Variants in SPOCK1 observed in about 807,000 individuals in gnomAD.
SPOCK1 encodes SPARC (osteonectin), cwcv and kazal like domains proteoglycan 1.
In SPOCK1, 23 loss-of-function variants were observed where a neutral mutation model predicts 55.3. The ratio of observed to expected loss-of-function variants is 0.42; its 90% CI spans 0.30 to 0.59. SPOCK1 has a LOEUF of 0.59. SPOCK1 is among the 20% of genes least tolerant of loss of function. The pLI is 0.22. For missense variants in SPOCK1, 499 were observed against 552.5 expected (o/e 0.90, Z 0.97); for synonymous variants, 226 against 221.0 (o/e 1.02, Z -0.20).
intron 3 of SPOCK1, among the ~76,000 whole-genome samples, chr5:137,144,773 A>G (rs558888924): frequency 6.6e-6 from 1 of 152,100 alleles, no homozygotes; most frequent in Non-Finnish European, 1.5e-5. Flanking sequence ...GGCATTTGAG[A>G]GGCCTTTTAA....
At chr5:137,377,045 A>G (rs945547802) in intron 2 of SPOCK1, among the ~76,000 whole-genome samples, 10 of 152,218 alleles carry the variant, frequency 6.6e-5, no homozygotes, top group Admixed American at 2.6e-4. Context: ...ACAAAAGAGT[A>G]AACATTATTA....
At chr5:137,325,858 A>T (rs984482016) in intron 2 of SPOCK1, among the ~76,000 whole-genome samples, 1 of 152,222 alleles carries the variant, frequency 6.6e-6, no homozygotes, top group African/African-American at 2.4e-5. Flanking sequence ...CAAGGGCTAA[A>T]ATAAAGAGAA....
chr5:137,271,850 C>T (rs1529818), intron 2 of SPOCK1, among the ~76,000 whole-genome samples: 3 of 152,042 alleles, frequency 2.0e-5, no homozygotes, highest in Non-Finnish European at 4.4e-5. Flanking sequence ...CTCATGAAAC[C>T]GATCGTTTCT....
chr5:137,363,878 G>T, intron 2 of SPOCK1, among the ~76,000 whole-genome samples: 1 of 152,250 alleles, frequency 6.6e-6, no homozygotes, highest in East Asian at 1.9e-4. Flanking sequence ...GGACAGGCTT[G>T]AGATGCACAA....
intron 3 of SPOCK1, among the ~76,000 whole-genome samples, chr5:137,200,242 G>A (rs967327759): frequency 2.6e-5 from 4 of 152,084 alleles, no homozygotes; most frequent in African/African-American, 4.8e-5. Context: ...TTGGGCCTCC[G>A]AACCTGCTGC....
At chr5:137,249,175 G>C (rs1470316410) in intron 3 of SPOCK1, among the ~76,000 whole-genome samples, 1 of 152,156 alleles carries the variant, frequency 6.6e-6, no homozygotes, top group Non-Finnish European at 1.5e-5. Context: ...CAAATAACTT[G>C]CTTGAGAGTT....
intron 6 of SPOCK1, among the ~76,000 whole-genome samples, chr5:137,054,458 G>C (rs760307810): frequency 1.3e-5 from 2 of 152,204 alleles, no homozygotes; most frequent in Non-Finnish European, 2.9e-5. Context: ...AGGGGGACAG[G>C]AGTCTTCCTG....
intron 3 of SPOCK1, among the ~76,000 whole-genome samples, chr5:137,266,070 C>G (rs1054019225): frequency 6.6e-6 from 1 of 152,060 alleles, no homozygotes; most frequent in African/African-American, 2.4e-5. Context: ...AACCAGAGTC[C>G]AGAGGTAGTG....
intron 2 of SPOCK1, among the ~76,000 whole-genome samples, chr5:137,329,478 A>C (rs751390617): frequency 5.3e-5 from 8 of 152,140 alleles, no homozygotes. Context: ...GCATCACAGA[A>C]ATCCAACTGA....
chr5:137,098,606 C>T (rs925580014), intron 5 of SPOCK1, among the ~76,000 whole-genome samples: 1 of 152,126 alleles, frequency 6.6e-6, no homozygotes, highest in Middle Eastern at 3.2e-3. Context: ...ACAAAGTGGC[C>T]CCTCCCAACA....
chr5:137,284,842 T>TGTGACTGTGA (rs1190433690), intron 2 of SPOCK1, among the ~76,000 whole-genome samples: 1 of 152,140 alleles, frequency 6.6e-6, no homozygotes, highest in African/African-American at 2.4e-5. Flanking sequence ...AGGGAAGCTC[T>TGTGACTGTGA]GGGAACTACA....
At chr5:137,225,916 T>C (rs1302446339) in intron 3 of SPOCK1, among the ~76,000 whole-genome samples, 1 of 152,204 alleles carries the variant, frequency 6.6e-6, no homozygotes, top group African/African-American at 2.4e-5. Flanking sequence ...TCAAGGACAC[T>C]AGGTCTCCCC....
At chr5:137,445,673 C>T (rs1374351769) in intron 2 of SPOCK1, among the ~76,000 whole-genome samples, 2 of 152,184 alleles carry the variant, frequency 1.3e-5, no homozygotes, top group Non-Finnish European at 2.9e-5. Context: ...CAGCAATCCT[C>T]TAATAGCCAG....
intron 2 of SPOCK1, among the ~76,000 whole-genome samples, chr5:137,454,984 T>C (rs1009577140): frequency 1.3e-5 from 2 of 152,216 alleles, no homozygotes; most frequent in African/African-American, 4.8e-5. Context: ...AAATGGTCTC[T>C]CTTTTCCAAA....
chr5:137,250,667 C>T (rs1756506561), intron 3 of SPOCK1, among the ~76,000 whole-genome samples: 1 of 149,398 alleles, frequency 6.7e-6, no homozygotes, highest in Non-Finnish European at 1.5e-5. Context: ...CTCAAGAGGA[C>T]ACACGGATGG....
rs551019882 is a variant in SPOCK1 at position 137,283,833 on chromosome 5, T to G, written c.187-16778A>C. On this transcript the variant is annotated intron_variant, in intron 2 of 10. Transcript: ENST00000394945. ...ACCAAGAAAATGAGCATAGTCGATG[T>G]GAAAACATTTTCTACTACAGACCTG... Among the ~76,000 whole-genome samples the G allele has an allele frequency of 6.6e-5, 10 of 152,252 alleles. No individual in the cohort carries two copies. In the South Asian group the frequency reaches 2.1e-3, roughly 32 times the overall value.
At chr5:137,498,831 A>C (rs2149847693) in intron 1 of SPOCK1, among the ~76,000 whole-genome samples, 1 of 152,254 alleles carries the variant, frequency 6.6e-6, no homozygotes, top group South Asian at 2.1e-4. Context: ...AGTGCCCCAC[A>C]GATGCCGCCC....
At chr5:137,460,218 G>C (rs1753453123) in intron 2 of SPOCK1, among the ~76,000 whole-genome samples, 1 of 152,156 alleles carries the variant, frequency 6.6e-6, no homozygotes, top group African/African-American at 2.4e-5. Context: ...GCCTGTGCTG[G>C]AGAATGAGCA....
chr5:137,357,686 C>T (rs1254849606), intron 2 of SPOCK1, among the ~76,000 whole-genome samples: 1 of 152,142 alleles, frequency 6.6e-6, no homozygotes, highest in Non-Finnish European at 1.5e-5. Context: ...GCTTGTACTG[C>T]TGGGACAAGC....
Sources: allele counts gnomAD v4.1 joint callset (sites outside exome capture counted in the v4.1 genomes callset), GRCh38; gene constraint gnomAD v4.1.1; transcripts MANE v1.5; gene names NCBI Gene and HGNC (gene_info 2026-07-23, HGNC 2026-07-21).